Variants in TANC1 observed in about 807,000 individuals in gnomAD.
TANC1 encodes tetratricopeptide repeat, ankyrin repeat and coiled-coil containing 1.
Under a neutral mutation model 149.7 loss-of-function variants are expected in TANC1, and 77 were observed. That is an observed-to-expected ratio of 0.51 (90% CI 0.43 to 0.62). TANC1 has a LOEUF of 0.62. TANC1 is among the 20% of genes least tolerant of loss of function. The pLI, the probability that TANC1 is intolerant of heterozygous loss-of-function variation, is 0.00. For missense variants in TANC1, 1,985 were observed against 2,321.8 expected (o/e 0.85, Z 2.98); for synonymous variants, 854 against 925.0 (o/e 0.92, Z 1.39).
chr2:159,204,131 G>A (rs2058446185), intron 19 of TANC1, among the ~76,000 whole-genome samples: 1 of 152,182 alleles, frequency 6.6e-6, no homozygotes, highest in African/African-American at 2.4e-5. Context: ...CCACCAAATT[G>A]GACAGTGCAG....
At chr2:159,100,085 G>T (rs752994842) in intron 4 of TANC1, among the ~76,000 whole-genome samples, 1 of 152,216 alleles carries the variant, frequency 6.6e-6, no homozygotes, top group Middle Eastern at 3.4e-3. Context: ...AGAAACTATC[G>T]ATATTTTTAA....
Position 159,232,532 on chromosome 2 carries a change from T to C in TANC1, c.*1520T>C, listed in dbSNP as rs2060370409. On this transcript the variant is annotated 3_prime_UTR_variant, in exon 27 of 27. Transcript: ENST00000263635. ...CTTTATCATTTTTATAGGCTTTCCA[T>C]GAGTTTTGCTGTAACTACTATGGCT... 6.5e-6 allele frequency: 1 copy of C among 152,674 alleles called. No homozygotes were observed. The highest frequency in any genetic ancestry group is 1.9e-4 in the East Asian group (1 of 5,206). The allele number at this position is 152,674 out of a possible 1,614,324, so 9.5% of individuals were successfully genotyped here. A position where few individuals can be genotyped will look rare whatever the true frequency, so the allele number is the denominator to read the frequency against.
chr2:159,181,952 G>T (rs1367499603), intron 14 of TANC1, among the ~76,000 whole-genome samples: 2 of 152,118 alleles, frequency 1.3e-5, no homozygotes, highest in Non-Finnish European at 2.9e-5. Flanking sequence ...CGTAATCCTA[G>T]CACTTTGGGA....
intron 7 of TANC1, among the ~76,000 whole-genome samples, chr2:159,161,305 A>G (rs182320406): frequency 6.6e-6 from 1 of 152,372 alleles, no homozygotes; most frequent in East Asian, 1.9e-4. Context: ...AACAGCCACA[A>G]AAATAAAACC....
At chr2:159,077,245 T>TG (rs939690546) in intron 3 of TANC1, among the ~76,000 whole-genome samples, 3 of 152,328 alleles carry the variant, frequency 2.0e-5, no homozygotes, top group Non-Finnish European at 4.4e-5. Context: ...TTTGTAGAGG[T>TG]GGGGTCTCAG....
intron 3 of TANC1, among the ~76,000 whole-genome samples, chr2:159,074,798 C>A (rs2043490953): frequency 6.6e-6 from 1 of 152,144 alleles, no homozygotes; most frequent in Non-Finnish European, 1.5e-5. Flanking sequence ...CGCCATGCTG[C>A]ACGCTTGAAA....
chr2:159,150,325 A>G (rs1392216144), intron 6 of TANC1, 45 bp from the exon 7 acceptor site: 12 of 1,522,604 alleles, frequency 7.9e-6, no homozygotes, highest in Middle Eastern at 1.7e-4. Flanking sequence ...GTGTCGAAGC[A>G]TCCTGTGTAA....
chr2:159,168,549 G>A (rs1057426646), intron 8 of TANC1, among the ~76,000 whole-genome samples: 3 of 151,878 alleles, frequency 2.0e-5, no homozygotes, highest in Admixed American at 1.3e-4. Flanking sequence ...CGATCCACCC[G>A]CCCCAGCCTC....
chr2:159,154,562 G>A (rs1199420848), intron 7 of TANC1, among the ~76,000 whole-genome samples: 1 of 152,052 alleles, frequency 6.6e-6, no homozygotes, highest in African/African-American at 2.4e-5. Context: ...AACCCCTCCT[G>A]CCCCTTGTTT....
intron 19 of TANC1, among the ~76,000 whole-genome samples, chr2:159,201,211 AT>A (rs2058221392): frequency 6.6e-6 from 1 of 152,260 alleles, no homozygotes; most frequent in South Asian, 2.1e-4. Context: ...CCAGGCCTGC[AT>A]TTGTCAGAGG....
intron 2 of TANC1, among the ~76,000 whole-genome samples, chr2:159,011,527 A>ATTTTTTTTT (rs10586189): frequency 9.4e-6 from 1 of 106,726 alleles, no homozygotes; most frequent in Non-Finnish European, 1.8e-5. Flanking sequence ...TACACCTTAA[A>ATTTTTTTTT]TTTTTTTTTT....
At chr2:159,166,514 G>A (rs999969622) in intron 8 of TANC1, among the ~76,000 whole-genome samples, 6 of 152,016 alleles carry the variant, frequency 3.9e-5, no homozygotes, top group African/African-American at 1.2e-4. Context: ...AATTAATTTC[G>A]CTGTAGAGAT....
At chr2:159,062,919 A>G (rs1347742509) in intron 2 of TANC1, among the ~76,000 whole-genome samples, 3 of 135,440 alleles carry the variant, frequency 2.2e-5, no homozygotes, top group Admixed American at 8.3e-5. Context: ...GTGAGCCGAG[A>G]TTGCACCACT....
Position 159,097,758 on chromosome 2 carries a change from G to C in TANC1, c.183G>C (p.Ser61=). ...GGGTGAGCTTGGCCAAAGGTGTCTC[G>C]ATGTCTCTGCCTTCCTCACCTTTGC... ...TYRVSLAKGV[S]MSLPSSPLLP... The change falls in exon 4 of 27, where the codon TCG becomes TCC. Residue 61 remains serine (S), a synonymous_variant. Coordinates refer to ENST00000263635, the MANE Select transcript of TANC1 (RefSeq NM_033394.3). 6.2e-7 allele frequency: 1 copy of C among 1,614,040 alleles called. No individual in the cohort carries two copies. Among genetic ancestry groups the C allele is most frequent in the Non-Finnish European group, 8.5e-7 (1 of 1,180,018 alleles).
At chr2:159,008,474 T>C (rs986978729) in intron 2 of TANC1, among the ~76,000 whole-genome samples, 38 of 152,210 alleles carry the variant, frequency 2.5e-4, no homozygotes, top group African/African-American at 8.9e-4. Flanking sequence ...ATTCAGCCTT[T>C]CCTTGGTTTC....
At chr2:159,187,389 A>C (rs1327742758) in intron 16 of TANC1, among the ~76,000 whole-genome samples, 3 of 152,190 alleles carry the variant, frequency 2.0e-5, no homozygotes, top group Non-Finnish European at 2.9e-5. Context: ...TTCAGAGTTC[A>C]TGGGAAATTA....
intron 2 of TANC1, among the ~76,000 whole-genome samples, chr2:159,015,238 C>T (rs1039014396): frequency 6.6e-6 from 1 of 152,240 alleles, no homozygotes; most frequent in Non-Finnish European, 1.5e-5. Context: ...GCAGGCTTAA[C>T]ACCATGTGGA....
chr2:159,172,363 A>G (rs2150487261), intron 11 of TANC1, 91 bp downstream of exon 11: 10 of 1,157,652 alleles, frequency 8.6e-6, no homozygotes, highest in East Asian at 2.5e-5. Flanking sequence ...AGCTTAAAAC[A>G]GAGACAACTG....
chr2:159,052,421 A>G (rs984883324), intron 2 of TANC1, among the ~76,000 whole-genome samples: 1 of 152,146 alleles, frequency 6.6e-6, no homozygotes, highest in Admixed American at 6.6e-5. Flanking sequence ...GCTCCTGCTA[A>G]TGTGTGCCAA....
Sources: gnomAD v4.1 joint callset for allele counts (sites outside exome capture counted in the v4.1 genomes callset) on GRCh38, gnomAD v4.1.1 for gene constraint, MANE v1.5 for transcripts, NCBI Gene and HGNC (gene_info 2026-07-23, HGNC 2026-07-21) for gene names.